STXBP6: variants seen among roughly 807,000 people sequenced by gnomAD.
STXBP6 encodes syntaxin binding protein 6.
STXBP6 carries 21 observed loss-of-function variants against 26.9 expected under a neutral mutation model. The observed-to-expected ratio is 0.78, with a 90% CI of 0.55 to 1.12. The LOEUF (loss-of-function observed/expected upper bound fraction) is 1.12. Among genes scored for constraint, STXBP6 ranks in the 50% most tolerant of loss-of-function variants. The probability of loss-of-function intolerance (pLI) is 0.00; values close to 1 mark genes in which losing one functional copy is unlikely to be tolerated. For missense variants in STXBP6, 232 were observed against 257.9 expected (o/e 0.90, Z 0.69); for synonymous variants, 97 against 92.6 (o/e 1.05, Z -0.27).
At chr14:24,988,133 T>C (rs1450431458) in intron 1 of STXBP6, among the ~76,000 whole-genome samples, 1 of 152,352 alleles carries the variant, frequency 6.6e-6, no homozygotes, top group East Asian at 1.9e-4. Context: ...AATCACATAA[T>C]GCGGGGCCAA....
chr14:24,910,490 A>G (rs1025713930), intron 2 of STXBP6, among the ~76,000 whole-genome samples: 1 of 152,192 alleles, frequency 6.6e-6, no homozygotes, highest in African/African-American at 2.4e-5. Flanking sequence ...CACCACTTAC[A>G]TGAATAAATG....
At chr14:24,982,301 G>C (rs2074216212) in intron 1 of STXBP6, among the ~76,000 whole-genome samples, 1 of 152,142 alleles carries the variant, frequency 6.6e-6, no homozygotes, top group Non-Finnish European at 1.5e-5. Flanking sequence ...CCCTCAAAAA[G>C]CTGTGAGAAA....
At chr14:24,921,954 C>T (rs1236048361) in intron 2 of STXBP6, among the ~76,000 whole-genome samples, 1 of 151,948 alleles carries the variant, frequency 6.6e-6, no homozygotes, top group Non-Finnish European at 1.5e-5. Context: ...GGTAATACAC[C>T]CAGTGGACTC....
chr14:24,940,030 C>T (rs2072747754), intron 2 of STXBP6, among the ~76,000 whole-genome samples: 1 of 152,206 alleles, frequency 6.6e-6, no homozygotes, highest in Admixed American at 6.5e-5. Context: ...TGACCTCCTG[C>T]ACTGTAATCC....
At position 24,810,865 on chromosome 14, in the gene STXBP6, C is replaced by CTCTCTGTGTGTGTGTGTGTGTG. The variant is rs373068735; in HGVS notation, c.*1843_*1844insCACACACACACACACACAGAGA. On this transcript the variant is annotated 3_prime_UTR_variant, in exon 6 of 6. Coordinates refer to ENST00000323944, the MANE Select transcript of STXBP6 (RefSeq NM_001394410.1). ...CCAATTTGGAAAGATAAATACATCTCTGTGTGTGTGTGTGTGTGTGTGTGT... is the reference window on the plus strand; with the variant it reads ...CCAATTTGGAAAGATAAATACATCTCTCTCTGTGTGTGTGTGTGTGTGTGTGTGTGTGTGTGTGTGTGTGTGT... The CTCTCTGTGTGTGTGTGTGTGTG allele has an allele frequency of 7.3e-6, 1 of 137,570 alleles. No homozygotes were observed. The highest frequency in any genetic ancestry group is 2.2e-4 in the East Asian group (1 of 4,622). 8.5% of individuals were successfully genotyped at this position (137,570 alleles called of 1,614,324 possible). A position where few individuals can be genotyped will look rare whatever the true frequency, so the allele number is the denominator to read the frequency against.
intron 2 of STXBP6, among the ~76,000 whole-genome samples, chr14:24,890,604 A>G (rs906053517): frequency 1.3e-5 from 2 of 152,250 alleles, no homozygotes; most frequent in African/African-American, 4.8e-5. Context: ...AGGGATTAAA[A>G]GAAGATCTTA....
chr14:24,899,100 A>C (rs780288624), intron 2 of STXBP6, among the ~76,000 whole-genome samples: 3 of 152,210 alleles, frequency 2.0e-5, no homozygotes, highest in Non-Finnish European at 4.4e-5. Flanking sequence ...AAAACACACA[A>C]TAGACAGCAC....
intron 1 of STXBP6, among the ~76,000 whole-genome samples, chr14:25,028,805 G>C (rs2075396743): frequency 6.6e-6 from 1 of 152,044 alleles, no homozygotes; most frequent in Non-Finnish European, 1.5e-5. Flanking sequence ...TGTGATTCAT[G>C]GGGGGAGGTC....
Position 25,004,106 on chromosome 14 carries a change from G to A in STXBP6, c.-32-29256C>T, listed in dbSNP as rs78349632. ...TTAACAAGAGCGAATGTGAGTGATC[G>A]TGCAAATTGAAGAGGGAGATTGCCA... On this transcript the variant is annotated intron_variant, in intron 1 of 5. Coordinates refer to ENST00000323944, the MANE Select transcript of STXBP6 (RefSeq NM_001394410.1). Among the ~76,000 whole-genome samples the A allele has an allele frequency of 3.9e-3, 601 of 152,260 alleles. 1 individual carries two copies. Among genetic ancestry groups the A allele is most frequent in the African/African-American group, 0.013 (556 of 41,554 alleles).
At chr14:24,958,603 C>T (rs2073419054) in intron 2 of STXBP6, among the ~76,000 whole-genome samples, 1 of 152,096 alleles carries the variant, frequency 6.6e-6, no homozygotes, top group Admixed American at 6.6e-5. Flanking sequence ...GCTGGCTACA[C>T]AGTAATTTTA....
intron 1 of STXBP6, among the ~76,000 whole-genome samples, chr14:24,978,650 C>T (rs1339654013): frequency 6.6e-6 from 1 of 152,194 alleles, no homozygotes; most frequent in Non-Finnish European, 1.5e-5. Flanking sequence ...AAGAAACCAA[C>T]CTACAATATG....
intron 1 of STXBP6, among the ~76,000 whole-genome samples, chr14:24,992,421 A>G (rs1803239584): frequency 6.6e-6 from 1 of 152,202 alleles, no homozygotes; most frequent in Admixed American, 6.5e-5. Context: ...AAGTAGGAAA[A>G]AAAAAGGTCA....
Position 24,944,112 on chromosome 14 carries a change from C to A in STXBP6, c.154+30553G>T, listed in dbSNP as rs193282440. Among the ~76,000 whole-genome samples the A allele has an allele frequency of 3.3e-5, 5 of 152,270 alleles. No homozygotes were observed. The East Asian group carries it at 9.6e-4, about 29-fold the overall frequency. ...TCCACAAGAAGAGGCTCAGGCTATG[C>A]AACAAAAAGCTATCACTTCAAGGAA... On this transcript the variant is annotated intron_variant, in intron 2 of 5. Coordinates refer to ENST00000323944, the MANE Select transcript of STXBP6 (RefSeq NM_001394410.1).
chr14:25,018,000 C>T (rs1393904130), intron 1 of STXBP6, among the ~76,000 whole-genome samples: 3 of 152,134 alleles, frequency 2.0e-5, no homozygotes, highest in African/African-American at 7.2e-5. Context: ...TAGGTCTTCT[C>T]CTCAAGTAAG....
At chr14:24,926,639 A>T (rs1397101346) in intron 2 of STXBP6, among the ~76,000 whole-genome samples, 2 of 152,164 alleles carry the variant, frequency 1.3e-5, no homozygotes, top group South Asian at 2.1e-4. Flanking sequence ...ATTACAATTT[A>T]AAAAAATATT....
At chr14:24,892,168 G>A (rs2070811361) in intron 2 of STXBP6, among the ~76,000 whole-genome samples, 1 of 151,538 alleles carries the variant, frequency 6.6e-6, no homozygotes, top group Non-Finnish European at 1.5e-5. Flanking sequence ...CTTATGCAAT[G>A]CAGACAGTCA....
Position 24,909,130 on chromosome 14 carries a change from CT to C in STXBP6, c.155-51974del, listed in dbSNP as rs549401823. Among the ~76,000 whole-genome samples, 391 of 152,336 alleles carry C rather than the reference CT, an allele frequency of 2.6e-3. 3 individuals carry two copies. Among genetic ancestry groups the C allele is most frequent in the African/African-American group, 9.1e-3 (379 of 41,578 alleles). The stretch of plus-strand genomic sequence containing the variant: ...TAAATTTGTTCGAATCTGCATTTGA[CT>C]TTACCTTCAGCATTCTTGAAAGATC... On this transcript the variant is annotated intron_variant, in intron 2 of 5. Coordinates refer to ENST00000323944, the MANE Select transcript of STXBP6 (RefSeq NM_001394410.1).
chr14:24,827,738 C>T lies in STXBP6; in HGVS notation c.452-8544G>A, dbSNP rs1050229238. On this transcript the variant is annotated intron_variant, in intron 4 of 5. Coordinates refer to ENST00000323944, the MANE Select transcript of STXBP6 (RefSeq NM_001394410.1). Reference sequence around the variant, plus strand: ...TAAGTCCTCTAGTACCTGATCATGCCACTTTCTCATTTCTATGCTTTGCTG... The same window carrying T: ...TAAGTCCTCTAGTACCTGATCATGCTACTTTCTCATTTCTATGCTTTGCTG... Among the ~76,000 whole-genome samples the T allele has an allele frequency of 7.2e-5, 11 of 152,252 alleles. No homozygotes were observed. The East Asian group carries it at 2.1e-3, about 29-fold the overall frequency.
intron 4 of STXBP6, chr14:24,819,584 T>C (rs2068081326): frequency 2.3e-6 from 1 of 437,178 alleles, no homozygotes; most frequent in African/African-American, 2.0e-5. Context: ...GAGACATATC[T>C]GGATCTTATG....
Sources: gnomAD v4.1 joint callset for allele counts (sites outside exome capture counted in the v4.1 genomes callset) on GRCh38, gnomAD v4.1.1 for gene constraint, MANE v1.5 for transcripts, NCBI Gene and HGNC (gene_info 2026-07-23, HGNC 2026-07-21) for gene names.